DOCK3: variants seen among roughly 807,000 people sequenced by gnomAD.
The protein encoded by DOCK3 is dedicator of cytokinesis 3, also known as dedicator of cytokinesis protein 3.
A neutral mutation model predicts 265.6 loss-of-function variants in DOCK3; 60 were observed. That is an observed-to-expected ratio of 0.23 (90% CI 0.18 to 0.28). The LOEUF (loss-of-function observed/expected upper bound fraction) is 0.28. DOCK3 is among the 10% of genes least tolerant of loss of function. The pLI, the probability that DOCK3 is intolerant of heterozygous loss-of-function variation, is 1.00. For missense variants in DOCK3, 1,981 were observed against 2,594.3 expected (o/e 0.76, Z 5.14); for synonymous variants, 881 against 938.0 (o/e 0.94, Z 1.11).
intron 14 of DOCK3, among the ~76,000 whole-genome samples, chr3:51,218,853 A>AC (rs1305764606): frequency 2.6e-5 from 4 of 152,132 alleles, no homozygotes; most frequent in Admixed American, 2.0e-4. Context: ...TTCTGGGCCC[A>AC]CCCCAAGAGT....
intron 1 of DOCK3, among the ~76,000 whole-genome samples, chr3:50,735,675 CT>C (rs1342684076): frequency 6.6e-6 from 1 of 152,086 alleles, no homozygotes; most frequent in Non-Finnish European, 1.5e-5. Context: ...GTCATTATTT[CT>C]TTTAATAAAG....
intron 5 of DOCK3, among the ~76,000 whole-genome samples, chr3:51,046,133 A>G (rs1024938132): frequency 3.9e-5 from 6 of 152,182 alleles, no homozygotes; most frequent in Non-Finnish European, 7.3e-5. Flanking sequence ...AAATTATATC[A>G]CTACAAAAAA....
chr3:50,957,940 CTTA>C (rs1311887234), intron 5 of DOCK3, among the ~76,000 whole-genome samples: 1 of 152,130 alleles, frequency 6.6e-6, no homozygotes, highest in South Asian at 2.1e-4. Context: ...TGTTTGAAAA[CTTA>C]TTTTTTAATT....
intron 27 of DOCK3, among the ~76,000 whole-genome samples, chr3:51,301,738 G>A (rs933365874): frequency 6.6e-5 from 10 of 152,050 alleles, no homozygotes; most frequent in African/African-American, 2.4e-4. Context: ...GTAGTTGTGT[G>A]GTTTTTAGTG....
intron 4 of DOCK3, among the ~76,000 whole-genome samples, chr3:50,932,479 G>A (rs2051123252): frequency 6.6e-6 from 1 of 152,000 alleles, no homozygotes; most frequent in Admixed American, 6.5e-5. Context: ...TTTGGTCATA[G>A]AAAGTTTTTA....
At chr3:50,677,449 A>G (rs1386434899) in intron 1 of DOCK3, among the ~76,000 whole-genome samples, 3 of 152,216 alleles carry the variant, frequency 2.0e-5, no homozygotes, top group Non-Finnish European at 2.9e-5. Context: ...TTTTTGCTGC[A>G]TCATTTGATT....
chr3:50,870,603 C>T (rs889524161), intron 3 of DOCK3, among the ~76,000 whole-genome samples: 3 of 152,070 alleles, frequency 2.0e-5, no homozygotes, highest in African/African-American at 7.2e-5. Flanking sequence ...AGTCCCTTTC[C>T]ATTCAGCATT....
intron 2 of DOCK3, among the ~76,000 whole-genome samples, chr3:50,831,021 A>C (rs1278283226): frequency 6.6e-6 from 1 of 151,796 alleles, no homozygotes; most frequent in South Asian, 2.1e-4. Flanking sequence ...TAACTTCCTG[A>C]CATTGCCATG....
intron 2 of DOCK3, chr3:50,786,931 T>G: frequency 1.4e-6 from 1 of 738,608 alleles, no homozygotes. Context: ...TGAATGATTT[T>G]CCACAGGTTT....
chr3:51,074,785 A>G (rs1331967058), intron 6 of DOCK3, among the ~76,000 whole-genome samples: 1 of 152,150 alleles, frequency 6.6e-6, no homozygotes, highest in Non-Finnish European at 1.5e-5. Flanking sequence ...GCACACGTTC[A>G]CCTGTGTAAC....
At chr3:51,119,975 G>A (rs1186899253) in intron 9 of DOCK3, among the ~76,000 whole-genome samples, 2 of 151,950 alleles carry the variant, frequency 1.3e-5, no homozygotes, top group Admixed American at 1.3e-4. Flanking sequence ...CAATTCATCA[G>A]ACTCATTCTC....
chr3:51,331,427 G>A (rs12632046), intron 33 of DOCK3, among the ~76,000 whole-genome samples: 114,166 of 152,018 alleles, frequency 0.75, 43,877 homozygotes, highest in Middle Eastern at 0.86. Flanking sequence ...AAAATAATCT[G>A]TAATTACTAA....
At chr3:51,160,522 TCA>T in intron 11 of DOCK3, 31 bp from the exon 12 acceptor site, 1 of 1,579,548 alleles carries the variant, frequency 6.3e-7, no homozygotes, top group Non-Finnish European at 8.6e-7. Context: ...CATGCTTTTC[TCA>T]GTCTGACTGG....
rs566675537 is a variant in DOCK3 at position 50,697,122 on chromosome 3, G to C, written c.37+21822G>C. On this transcript the variant is annotated intron_variant, in intron 1 of 52. Transcript: ENST00000266037. ...ATTTTTGTATTTTTAGTAGAGACAGGGTGTCACCATGTTGGCCAGGCTGGT... is the reference window on the plus strand; with the variant it reads ...ATTTTTGTATTTTTAGTAGAGACAGCGTGTCACCATGTTGGCCAGGCTGGT... Among the ~76,000 whole-genome samples, 4 of 151,586 alleles carry C rather than the reference G, an allele frequency of 2.6e-5. No individual in the cohort carries two copies. The South Asian group carries it at 6.3e-4, about 24-fold the overall frequency.
intron 27 of DOCK3, among the ~76,000 whole-genome samples, chr3:51,305,293 T>C (rs1184821448): frequency 6.6e-6 from 1 of 152,222 alleles, no homozygotes; most frequent in Non-Finnish European, 1.5e-5. Flanking sequence ...CTGACCCCTT[T>C]ATCATTATAA....
At chr3:51,364,577 G>A (rs1281659717) in intron 49 of DOCK3, among the ~76,000 whole-genome samples, 1 of 152,120 alleles carries the variant, frequency 6.6e-6, no homozygotes, top group Non-Finnish European at 1.5e-5. Flanking sequence ...TGTCCTGAAT[G>A]GTATTGCCTA....
chr3:50,801,012 G>T (rs2043039965), intron 2 of DOCK3, among the ~76,000 whole-genome samples: 1 of 151,844 alleles, frequency 6.6e-6, no homozygotes, highest in Admixed American at 6.6e-5. Flanking sequence ...TTCCATTTTG[G>T]TCTGAGAAGA....
chr3:51,247,272 A>G (rs530900137), intron 22 of DOCK3, among the ~76,000 whole-genome samples: 2 of 152,320 alleles, frequency 1.3e-5, no homozygotes, highest in South Asian at 4.1e-4. Flanking sequence ...GGGAATCTTA[A>G]AACTGTGGCC....
intron 5 of DOCK3, among the ~76,000 whole-genome samples, chr3:50,936,011 A>G (rs545280767): frequency 5.9e-5 from 9 of 152,352 alleles, no homozygotes; most frequent in Non-Finnish European, 1.3e-4. Context: ...ATTGACAAAG[A>G]CTTTTAAACA....
Sources: allele counts gnomAD v4.1 joint callset (sites outside exome capture counted in the v4.1 genomes callset), GRCh38; gene constraint gnomAD v4.1.1; transcripts MANE v1.5; gene names NCBI Gene and HGNC (gene_info 2026-07-23, HGNC 2026-07-21).